TUBB8: variants seen among roughly 807,000 people sequenced by gnomAD.
TUBB8 encodes the protein tubulin beta-8 chain.
TUBB8 carries 25 observed loss-of-function variants against 33.7 expected under a neutral mutation model. That is an observed-to-expected ratio of 0.74 (90% CI 0.54 to 1.04). The LOEUF (loss-of-function observed/expected upper bound fraction) is 1.04, where lower values mean the gene tolerates loss of function less well. TUBB8 is among the 50% of genes least tolerant of loss of function. TUBB8 has a pLI of 0.00. For synonymous variants in TUBB8, 245 were observed against 240.1 expected (o/e 1.02, Z -0.19); for missense variants, 279 against 608.0 (o/e 0.46, Z 5.69).
At chr10:62,764 T>A (rs1306289619) in intron 1 of TUBB8, among the ~76,000 whole-genome samples, 2 of 152,282 alleles carry the variant, frequency 1.3e-5, no homozygotes, top group Non-Finnish European at 2.9e-5. Flanking sequence ...AAATACATTA[T>A]TCTAAAGTAA....
chr10:64,098 C>G (rs1468800968), intron 1 of TUBB8, among the ~76,000 whole-genome samples: 1 of 142,722 alleles, frequency 7.0e-6, no homozygotes, highest in South Asian at 2.2e-4. Context: ...CTGAAACCAG[C>G]AGAGTCTCTC....
intron 3 of TUBB8, chr10:48,356 C>T (rs1260694228): frequency 3.2e-6 from 2 of 629,234 alleles, no homozygotes; most frequent in African/African-American, 3.7e-5. Flanking sequence ...CCTGCCCATT[C>T]TCAGGAAAGG....
intron 1 of TUBB8, among the ~76,000 whole-genome samples, chr10:58,039 G>A (rs367930314): frequency 7.9e-5 from 12 of 152,320 alleles, no homozygotes; most frequent in South Asian, 6.2e-4. Context: ...CATCTTGAAC[G>A]CTTTGGTGCT....
At position 72,851 on chromosome 10, in the gene TUBB8, C is replaced by CA. The variant is rs1321880357; in HGVS notation, c.-846+1117dup. Among the ~76,000 whole-genome samples, 586 of 115,480 alleles carry CA rather than the reference C, an allele frequency of 5.1e-3. 6 individuals are homozygous for CA. Among genetic ancestry groups the CA allele is most frequent in the African/African-American group, 0.019 (570 of 29,444 alleles). The allele number at this position is 115,480 out of a possible 152,430, so 75.8% of individuals were successfully genotyped here. On this transcript the variant is annotated intron_variant, in intron 1 of 3. Transcript: ENST00000564130. The stretch of plus-strand genomic sequence containing the variant: ...TGGGAGACAGAGCGACACTCCATCT[C>CA]AAAAAAAAAAAAAAAAAAGCAAAAA...
intron 1 of TUBB8, among the ~76,000 whole-genome samples, chr10:73,479 A>C (rs1456121665): frequency 1.3e-5 from 2 of 152,230 alleles, no homozygotes; most frequent in African/African-American, 4.8e-5. Flanking sequence ...CCCCGTCTCT[A>C]CTAAAAATAC....
upstream of TUBB8, chr10:49,662 TAGG>T (rs1386785414): frequency 2.0e-5 from 9 of 450,238 alleles, 1 homozygote; most frequent in South Asian, 3.2e-5. Context: ...TTTCATCTAT[TAGG>T]AGATCTGTGG....
chr10:60,758 T>C (rs555418663), intron 1 of TUBB8, among the ~76,000 whole-genome samples: 11 of 152,306 alleles, frequency 7.2e-5, no homozygotes, highest in Admixed American at 2.6e-4. Flanking sequence ...ATCATGCTGC[T>C]GTAAAGACAT....
At chr10:76,219 T>C (rs1588284313), upstream of TUBB8, among the ~76,000 whole-genome samples, 1 of 149,688 alleles carries the variant, frequency 6.7e-6, no homozygotes, top group African/African-American at 2.5e-5. Context: ...CCCCTGCCAG[T>C]CCCCAGCCTC....
chr10:50,549 T>C (rs1834454291), upstream of TUBB8, among the ~76,000 whole-genome samples: 1 of 152,190 alleles, frequency 6.6e-6, no homozygotes, highest in Non-Finnish European at 1.5e-5. Flanking sequence ...TGATGTCCTC[T>C]GCAATTAATT....
At chr10:52,017 G>A (rs1222955980), upstream of TUBB8, among the ~76,000 whole-genome samples, 1 of 152,216 alleles carries the variant, frequency 6.6e-6, no homozygotes, top group Admixed American at 6.5e-5. Context: ...GGGACAAAGA[G>A]CACAAGGTGG....
chr10:51,290 G>C (rs1834465921), upstream of TUBB8, among the ~76,000 whole-genome samples: 1 of 152,134 alleles, frequency 6.6e-6, no homozygotes, highest in Non-Finnish European at 1.5e-5. Context: ...TCTACTTTTA[G>C]TATAGACGAG....
In TUBB8 at chr10:48,602, G is replaced by A. The variant is rs1486595006; in HGVS notation, c.277+13C>T. 13 of 1,608,558 alleles carry A rather than the reference G, an allele frequency of 8.1e-6. No individual in the cohort carries two copies. The highest frequency in any genetic ancestry group is 1.1e-5 in the Non-Finnish European group (13 of 1,176,234). On this transcript the variant is annotated intron_variant, in intron 3 of 3. Coordinates refer to ENST00000568584, the MANE Select transcript of TUBB8 (RefSeq NM_177987.3). ...GCTAAGGAGCCGCACCCCAGTCCTC[G>A]CCCGCAGCTCACCGAAGATGAAGTT...
upstream of TUBB8, among the ~76,000 whole-genome samples, chr10:51,711 G>C (rs533657554): frequency 5.0e-4 from 64 of 129,088 alleles, no homozygotes; most frequent in African/African-American, 1.1e-3. Flanking sequence ...AATAAGTCCT[G>C]ACACTTTCAT....
upstream of TUBB8, among the ~76,000 whole-genome samples, chr10:74,335 G>A (rs868931420): frequency 5.9e-5 from 9 of 151,592 alleles, no homozygotes; most frequent in Non-Finnish European, 7.4e-5. Flanking sequence ...AACGCATGGA[G>A]ATAGCAATCG....
Position 47,696 on chromosome 10 carries a change from G to T in TUBB8, c.696C>A (p.Thr232=), listed in dbSNP as rs571032921. ...GCAGGCACGTGGTGACCCCACTCAT[G>T]GTAGCAGACACCAGGTGGTTCAGGT... ...YGDLNHLVSA[T]MSGVTTCLRF... The change falls in exon 4 of 4, where the codon ACC becomes ACA. Residue 232 remains threonine, a synonymous_variant. Coordinates refer to ENST00000568584, the MANE Select transcript of TUBB8 (RefSeq NM_177987.3). 2.1e-4 allele frequency: 343 copies of T among 1,612,194 alleles called. 2 individuals carry two copies. In the South Asian group the frequency reaches 3.7e-3, roughly 17 times the overall value.
chr10:52,556 T>G (rs1375089739), upstream of TUBB8, among the ~76,000 whole-genome samples: 1 of 152,250 alleles, frequency 6.6e-6, no homozygotes, highest in Non-Finnish European at 1.5e-5. Flanking sequence ...GAGAAAGAGT[T>G]ATAATTAAAC....
At chr10:63,796 T>C (rs1834632416) in intron 1 of TUBB8, among the ~76,000 whole-genome samples, 1 of 152,322 alleles carries the variant, frequency 6.6e-6, no homozygotes, top group African/African-American at 2.4e-5. Flanking sequence ...CCTGGTGCCT[T>C]ATTTAGCTTG....
chr10:49,227 G>T lies in TUBB8; in HGVS notation c.12C>A (p.Ile4=), dbSNP rs202227666. Residue 4 remains isoleucine (I), a synonymous_variant, in exon 1 of 4, where the codon ATC becomes ATA. Coordinates refer to ENST00000568584, the MANE Select transcript of TUBB8 (RefSeq NM_177987.3). ...CGCACTGCCCGATCTGCGTGAGCAC[G>T]ATCTCCCTCATGGCCAAGGCGGGAT... MRE[I]VLTQIGQCGN... 5 of 1,583,384 alleles carry T rather than the reference G, an allele frequency of 3.2e-6. No individual in the cohort carries two copies. The highest frequency in any genetic ancestry group is 1.3e-5 in the African/African-American group (1 of 74,120).
intron 1 of TUBB8, among the ~76,000 whole-genome samples, chr10:58,849 T>C (rs1834564346): frequency 6.6e-6 from 1 of 152,238 alleles, no homozygotes; most frequent in Non-Finnish European, 1.5e-5. Flanking sequence ...TTTTTCCAAA[T>C]ATAAGATTAT....
Sources: gnomAD v4.1 joint callset for allele counts (sites outside exome capture counted in the v4.1 genomes callset) on GRCh38, gnomAD v4.1.1 for gene constraint, MANE v1.5 for transcripts, NCBI Gene and HGNC (gene_info 2026-07-23, HGNC 2026-07-21) for gene names.